Variants in CCNT2 observed in about 807,000 individuals in gnomAD.
The protein encoded by CCNT2 is cyclin T2.
In CCNT2, 18 loss-of-function variants were observed where a neutral mutation model predicts 70.0. That is an observed-to-expected ratio of 0.26 (90% CI 0.18 to 0.38). The LOEUF (loss-of-function observed/expected upper bound fraction) is 0.38, where lower values mean the gene tolerates loss of function less well. Ranked by LOEUF, CCNT2 falls within the 10% of genes least tolerant of loss-of-function variation. CCNT2 has a pLI of 1.00. For missense variants in CCNT2, 734 were observed against 890.2 expected (o/e 0.82, Z 2.23); for synonymous variants, 334 against 313.3 (o/e 1.07, Z -0.70).
chr2:134,936,508 C>T (rs1158747384), intron 2 of CCNT2, among the ~76,000 whole-genome samples: 2 of 152,048 alleles, frequency 1.3e-5, no homozygotes, highest in Non-Finnish European at 2.9e-5. Context: ...AATCCCAGCA[C>T]TTTGGGAGGC....
intron 2 of CCNT2, among the ~76,000 whole-genome samples, chr2:134,929,630 A>AGAGAGAGAGAGAGAGAG (rs1307617247): frequency 7.4e-6 from 1 of 135,302 alleles, no homozygotes; most frequent in African/African-American, 2.9e-5. Flanking sequence ...AGAGAGAGAG[A>AGAGAGAGAGAGAGAGAG]GAGAGAACTA....
At chr2:134,944,012 A>G (rs751068335) in intron 5 of CCNT2, 222 of 983,304 alleles carry the variant, frequency 2.3e-4, no homozygotes, top group East Asian at 4.5e-4. Context: ...AGTGGCTACA[A>G]TTTTTTAAAA....
intron 5 of CCNT2, chr2:134,945,221 G>T: frequency 2.0e-6 from 2 of 985,386 alleles, no homozygotes; most frequent in Non-Finnish European, 2.4e-6. Context: ...TAAAAAATAG[G>T]GGAGGGGGAA....
At chr2:134,931,111 T>G (rs1050529540) in intron 2 of CCNT2, among the ~76,000 whole-genome samples, 4 of 151,698 alleles carry the variant, frequency 2.6e-5, no homozygotes, top group Admixed American at 2.6e-4. Context: ...TACAGGTGCC[T>G]GCCGCCACGC....
intron 2 of CCNT2, 149 bp from the exon 3 acceptor site, chr2:134,936,692 T>C: frequency 1.9e-6 from 1 of 530,644 alleles, no homozygotes; most frequent in East Asian, 3.9e-5. Context: ...AGGTGGAGCT[T>C]TCAGTGAGCC....
chr2:134,919,189 G>GAGA (rs1043572722), intron 1 of CCNT2, among the ~76,000 whole-genome samples, 177 bp downstream of exon 1: 10 of 152,210 alleles, frequency 6.6e-5, no homozygotes, highest in Non-Finnish European at 1.0e-4. Context: ...AAGGGAGGAG[G>GAGA]AGATAGGACC....
intron 2 of CCNT2, 107 bp downstream of exon 2, chr2:134,919,998 G>C: frequency 1.4e-6 from 1 of 704,320 alleles, no homozygotes; most frequent in Non-Finnish European, 2.5e-6. Context: ...TGAATTAACG[G>C]TAAACGTATA....
chr2:134,944,594 A>G, intron 5 of CCNT2: 1 of 977,770 alleles, frequency 1.0e-6, no homozygotes, highest in Non-Finnish European at 1.2e-6. Flanking sequence ...CAAAACAAAT[A>G]TTTAGACCAG....
chr2:134,932,085 A>G (rs1264306481), intron 2 of CCNT2, among the ~76,000 whole-genome samples: 2 of 152,056 alleles, frequency 1.3e-5, no homozygotes, highest in South Asian at 4.2e-4. Context: ...CCCAGGTTCA[A>G]GCGATTCCCC....
intron 2 of CCNT2, among the ~76,000 whole-genome samples, chr2:134,924,595 A>G (rs996741156): frequency 6.6e-6 from 1 of 152,042 alleles, no homozygotes; most frequent in Admixed American, 6.6e-5. Flanking sequence ...GATTACAGGC[A>G]TGCACCACCA....
At position 134,954,600 on chromosome 2, in the gene CCNT2, A is replaced by G. The variant is rs755143305; in HGVS notation, c.2145A>G (p.Thr715=). 4 of 1,614,012 alleles carry G rather than the reference A, an allele frequency of 2.5e-6. No homozygotes were observed. Among genetic ancestry groups the G allele is most frequent in the Non-Finnish European group, 1.7e-6 (2 of 1,179,848 alleles). ...GCCAGCATATGGACTACAAAGACAC[A>G]TTCGACATGCTGGACTCACTGTTAA... ...TSSQHMDYKD[T]FDMLDSLLSA... is the part of the protein sequence containing the mutation. The change falls in exon 9 of 9, where the codon ACA becomes ACG. Residue 715 remains threonine, a synonymous_variant. Coordinates refer to ENST00000264157, the MANE Select transcript of CCNT2 (RefSeq NM_058241.3).
At chr2:134,925,370 T>C (rs942205817) in intron 2 of CCNT2, among the ~76,000 whole-genome samples, 1 of 152,108 alleles carries the variant, frequency 6.6e-6, no homozygotes. Flanking sequence ...TTCCGTGGGG[T>C]TTGTGGGTTT....
chr2:134,938,772 T>G (rs1460188272), intron 3 of CCNT2, among the ~76,000 whole-genome samples: 1 of 152,190 alleles, frequency 6.6e-6, no homozygotes, highest in East Asian at 1.9e-4. Context: ...TCTTTCATAT[T>G]GGTTAGGTTT....
chr2:134,925,930 A>G (rs992253721), intron 2 of CCNT2, among the ~76,000 whole-genome samples: 3 of 148,182 alleles, frequency 2.0e-5, no homozygotes, highest in Non-Finnish European at 4.4e-5. Context: ...CAGTGGCACA[A>G]TCATGGCTCA....
chr2:134,922,944 G>T (rs1426974627), intron 2 of CCNT2, among the ~76,000 whole-genome samples: 4 of 151,942 alleles, frequency 2.6e-5, no homozygotes, highest in African/African-American at 7.3e-5. Context: ...CCTCTTTCTT[G>T]AGCTCTAGCA....
intron 5 of CCNT2, chr2:134,945,784 C>A: frequency 2.2e-6 from 3 of 1,347,440 alleles, no homozygotes; most frequent in Admixed American, 2.2e-5. Context: ...TTTTTAAATC[C>A]AGGAGAATGC....
chr2:134,922,186 G>A (rs1325588845), intron 2 of CCNT2, among the ~76,000 whole-genome samples: 1 of 151,892 alleles, frequency 6.6e-6, no homozygotes, highest in Non-Finnish European at 1.5e-5. Flanking sequence ...ACTTTAAAAA[G>A]CGTGAATCTT....
At chr2:134,945,004 T>C (rs901877101) in intron 5 of CCNT2, 42 of 985,330 alleles carry the variant, frequency 4.3e-5, no homozygotes, top group African/African-American at 4.0e-4. Context: ...TATGCTACTT[T>C]GCTGCAGAAT....
chr2:134,937,587 A>G lies in CCNT2; in HGVS notation c.369+618A>G, dbSNP rs767311766. ...TTAAATTTTTCTGACATCTTAAGAA[A>G]TAAGGAGAAATAAGGAAGTTAGAAT... is the stretch of plus-strand genomic sequence containing the variant. On this transcript the variant is annotated intron_variant, in intron 3 of 8. Coordinates refer to ENST00000264157, the MANE Select transcript of CCNT2 (RefSeq NM_058241.3). Among the ~76,000 whole-genome samples, 5 of 152,172 alleles carry G rather than the reference A, an allele frequency of 3.3e-5. No homozygotes were observed. In the South Asian group the frequency reaches 8.3e-4, roughly 25 times the overall value.
Sources: allele counts gnomAD v4.1 joint callset (sites outside exome capture counted in the v4.1 genomes callset), GRCh38; gene constraint gnomAD v4.1.1; transcripts MANE v1.5; gene names NCBI Gene and HGNC (gene_info 2026-07-23, HGNC 2026-07-21).